ZNF383: variants seen among roughly 807,000 people sequenced by gnomAD.
ZNF383 encodes the protein zinc finger protein 383.
ZNF383 carries 32 observed loss-of-function variants against 44.2 expected under a neutral mutation model. That is an observed-to-expected ratio of 0.72 (90% CI 0.55 to 0.97). The LOEUF (loss-of-function observed/expected upper bound fraction) is 0.97, where lower values mean the gene tolerates loss of function less well. Ranked by LOEUF, ZNF383 falls within the 50% of genes least tolerant of loss-of-function variation. The pLI is 0.00. For missense variants in ZNF383, 487 were observed against 562.5 expected, an observed-to-expected ratio of 0.87 and a Z score of 1.36; for synonymous variants, 155 against 186.2, an observed-to-expected ratio of 0.83 and a Z score of 1.36.
rs35896350 is a variant in ZNF383 at position 37,245,478 on chromosome 19, G to GT, written c.*1829dup. 155 of 144,160 alleles carry GT rather than the reference G, an allele frequency of 1.1e-3. No individual in the cohort carries two copies. Among genetic ancestry groups the GT allele is most frequent in the Non-Finnish European group, 1.3e-3 (85 of 65,714 alleles). 8.9% of individuals were successfully genotyped at this position (144,160 alleles called of 1,614,324 possible). ...CCAGATATTAATTTTTTGTTTGTTT[G>GT]TTTTTTTTTTTTTTTGAGATGGAGT... On this transcript the variant is annotated 3_prime_UTR_variant, in exon 6 of 6. Coordinates refer to ENST00000684119, the MANE Select transcript of ZNF383 (RefSeq NM_001387601.1).
intron 5 of ZNF383, among the ~76,000 whole-genome samples, chr19:37,236,523 G>T (rs1973801460): frequency 6.6e-6 from 1 of 151,606 alleles, no homozygotes; most frequent in South Asian, 2.1e-4. Context: ...AAGTGGCTGG[G>T]ACCGTAGGCC....
At position 37,242,838 on chromosome 19, in the gene ZNF383, AAG is replaced by A. The variant is rs1974188537; in HGVS notation, c.605_606del (p.Glu202ValfsTer6). On this transcript the variant is annotated frameshift_variant, in exon 6 of 6. Coordinates refer to ENST00000684119, the MANE Select transcript of ZNF383 (RefSeq NM_001387601.1). LOFTEE classifies it high-confidence loss of function. Reference sequence around the variant, plus strand: ...ATTGGTGAAAAATCTTATGAATGTAAAGAGTGTGGGAAATTCTTTAGTTGTGG... The same window carrying A: ...ATTGGTGAAAAATCTTATGAATGTAAAGTGTGGGAAATTCTTTAGTTGTGG... The A allele has an allele frequency of 6.2e-7, 1 of 1,613,920 alleles. No individual in the cohort carries two copies. The highest frequency in any genetic ancestry group is 1.1e-5 in the South Asian group (1 of 91,080).
At chr19:37,219,073 C>A (rs557334311) in intron 1 of ZNF383, among the ~76,000 whole-genome samples, 34 of 151,984 alleles carry the variant, frequency 2.2e-4, no homozygotes, top group Non-Finnish European at 4.6e-4. Flanking sequence ...TTGGGTGAGG[C>A]GTGCCTGTGG....
intron 2 of ZNF383, among the ~76,000 whole-genome samples, chr19:37,226,308 C>T (rs576877133): frequency 6.6e-6 from 1 of 152,274 alleles, no homozygotes; most frequent in South Asian, 2.1e-4. Context: ...CAACATCCTC[C>T]ACCAGAGTGG....
intron 2 of ZNF383, among the ~76,000 whole-genome samples, chr19:37,229,602 G>T (rs1973356530): frequency 7.7e-6 from 1 of 130,318 alleles, no homozygotes. Context: ...GGGATTACAA[G>T]CATATATATA....
chr19:37,239,178 A>T (rs929454781), intron 5 of ZNF383, among the ~76,000 whole-genome samples: 3 of 152,192 alleles, frequency 2.0e-5, no homozygotes, highest in African/African-American at 7.2e-5. Flanking sequence ...TTGGTCTCCC[A>T]AAGTGCTGGG....
intron 4 of ZNF383, 87 bp from the exon 5 acceptor site, chr19:37,235,892 T>C (rs951295305): frequency 4.7e-6 from 6 of 1,281,968 alleles, no homozygotes; most frequent in Non-Finnish European, 4.4e-6. Flanking sequence ...GCTGTTCCTG[T>C]AGTGGCATCT....
In ZNF383 at chr19:37,243,370, C is replaced by T; in HGVS notation, c.1134C>T (p.Ser378=). ...CKECGKAFTQ[S]SQLRQHQRIH... ...AATGTGGAAAGGCTTTTACTCAGAGCTCACAGCTTCGTCAACATCAGAGAA... is the reference window on the plus strand; with the variant it reads ...AATGTGGAAAGGCTTTTACTCAGAGTTCACAGCTTCGTCAACATCAGAGAA... The change falls in exon 6 of 6, where the codon AGC becomes AGT. Residue 378 remains serine (S), a synonymous_variant. Transcript: ENST00000684119. The T allele has an allele frequency of 1.2e-6, 2 of 1,614,186 alleles. 1 individual carries two copies. The highest frequency in any genetic ancestry group is 3.3e-4 in the Middle Eastern group (2 of 6,062).
At position 37,244,317 on chromosome 19, in the gene ZNF383, AGGT is replaced by A. The variant is rs1974276301; in HGVS notation, c.*655_*657del. On this transcript the variant is annotated 3_prime_UTR_variant, in exon 6 of 6. Transcript: ENST00000684119. The stretch of plus-strand genomic sequence containing the variant: ...AGGATAGTCTTGAACTCCTGACCTC[AGGT>A]GATCCACCTGCCTCAGCCTCCCAAA... 1 of 152,138 alleles carries A rather than the reference AGGT, an allele frequency of 6.6e-6. No individual in the cohort carries two copies. Among genetic ancestry groups the A allele is most frequent in the South Asian group, 2.1e-4 (1 of 4,824 alleles). 9.4% of individuals were successfully genotyped at this position (152,138 alleles called of 1,614,324 possible).
chr19:37,239,434 A>T (rs2145531789), intron 5 of ZNF383, among the ~76,000 whole-genome samples: 1 of 152,318 alleles, frequency 6.6e-6, no homozygotes, highest in South Asian at 2.1e-4. Context: ...ATGTAGTACT[A>T]GGCTTGCCAC....
intron 5 of ZNF383, among the ~76,000 whole-genome samples, chr19:37,240,490 C>T (rs1429459303): frequency 6.6e-6 from 1 of 152,178 alleles, no homozygotes; most frequent in African/African-American, 2.4e-5. Context: ...AATTGGCAGT[C>T]AGCTCTCATC....
chr19:37,228,268 TG>T (rs1479169782), intron 2 of ZNF383, among the ~76,000 whole-genome samples: 1 of 152,228 alleles, frequency 6.6e-6, no homozygotes, highest in South Asian at 2.1e-4. Flanking sequence ...TTTTGTTTTT[TG>T]GTCACTTTTT....
At chr19:37,239,887 C>T (rs926191887) in intron 5 of ZNF383, among the ~76,000 whole-genome samples, 40 of 152,136 alleles carry the variant, frequency 2.6e-4, no homozygotes, top group African/African-American at 9.2e-4. Context: ...CTGCCGGGCG[C>T]AGTGGCTCAC....
rs1341055347 is a variant in ZNF383, at chr19:37,243,518, G to C, written c.1282G>C (p.Gly428Arg). 7 of 1,613,978 alleles carry C rather than the reference G, an allele frequency of 4.3e-6. No homozygotes were observed. Among genetic ancestry groups the C allele is most frequent in the Non-Finnish European group, 4.2e-6 (5 of 1,180,020 alleles). ...DEKPYECNECGKAFNKCSNLT... is the reference protein window; with the variant it reads ...DEKPYECNECRKAFNKCSNLT... ...AAAACCATATGAATGTAATGAATGT[G>C]GAAAGGCCTTTAATAAATGCTCAAA... Residue 428 changes from glycine to arginine, a missense_variant, in exon 6 of 6, where the codon GGA (glycine) becomes CGA (arginine). Coordinates refer to ENST00000684119, the MANE Select transcript of ZNF383 (RefSeq NM_001387601.1).
chr19:37,240,019 C>T (rs1355841944), intron 5 of ZNF383, among the ~76,000 whole-genome samples: 1 of 151,916 alleles, frequency 6.6e-6, no homozygotes, highest in Non-Finnish European at 1.5e-5. Flanking sequence ...ATTAGCCGGG[C>T]GTGGTGGTGC....
intron 1 of ZNF383, among the ~76,000 whole-genome samples, chr19:37,221,955 CA>C (rs71177435): frequency 0.048 from 4,507 of 93,924 alleles, 85 homozygotes; most frequent in Non-Finnish European, 0.071. Context: ...GACTCTGTCT[CA>C]AAAAAAAAAA....
chr19:37,235,918 A>G (rs1306638933), intron 4 of ZNF383, 61 bp from the exon 5 acceptor site: 1 of 1,436,100 alleles, frequency 7.0e-7, no homozygotes, highest in African/African-American at 1.4e-5. Context: ...TGTGATCATC[A>G]AGGGACTGGA....
chr19:37,238,951 ACT>A (rs1365485270), intron 5 of ZNF383, among the ~76,000 whole-genome samples: 1 of 152,106 alleles, frequency 6.6e-6, no homozygotes, highest in Admixed American at 6.6e-5. Flanking sequence ...ACGGAGTCTC[ACT>A]CTGTCACCCA....
intron 3 of ZNF383, among the ~76,000 whole-genome samples, chr19:37,234,452 G>A (rs994651604): frequency 6.6e-6 from 1 of 152,076 alleles, no homozygotes; most frequent in East Asian, 1.9e-4. Context: ...GCAGTGGCGC[G>A]ATCTCGGCTC....
Sources: gnomAD v4.1 joint callset for allele counts (sites outside exome capture counted in the v4.1 genomes callset) on GRCh38, gnomAD v4.1.1 for gene constraint, MANE v1.5 for transcripts, NCBI Gene and HGNC (gene_info 2026-07-23, HGNC 2026-07-21) for gene names.